SUGCT: variants seen among roughly 807,000 people sequenced by gnomAD.
SUGCT encodes succinyl-CoA:glutarate CoA-transferase.
A neutral mutation model predicts 55.0 loss-of-function variants in SUGCT; 41 were observed. That is an observed-to-expected ratio of 0.74 (90% CI 0.58 to 0.97). SUGCT has a LOEUF of 0.97. Ranked by LOEUF, SUGCT falls within the 50% of genes least tolerant of loss-of-function variation. The pLI is 0.00. For synonymous variants in SUGCT, 187 were observed against 200.4 expected (o/e 0.93, Z 0.56); for missense variants, 568 against 547.8 (o/e 1.04, Z -0.37).
intron 12 of SUGCT, among the ~76,000 whole-genome samples, chr7:40,725,494 T>A (rs1562965691): frequency 2.0e-5 from 3 of 152,066 alleles, no homozygotes; most frequent in African/African-American, 7.3e-5. Context: ...TCCTTCTAGT[T>A]GAAACTCTAC....
intron 13 of SUGCT, among the ~76,000 whole-genome samples, chr7:40,850,346 A>G (rs1793788983): frequency 6.6e-6 from 1 of 152,174 alleles, no homozygotes; most frequent in Admixed American, 6.5e-5. Context: ...TGGGGATGAT[A>G]ATAGGGCCAT....
At chr7:40,383,805 C>T (rs1784985486) in intron 9 of SUGCT, among the ~76,000 whole-genome samples, 2 of 152,176 alleles carry the variant, frequency 1.3e-5, no homozygotes, top group South Asian at 4.1e-4. Context: ...TTCGTCAGGG[C>T]ATCAGCAGGT....
At chr7:41,024,661 CA>C in the SUGCT span, among the ~76,000 whole-genome samples, 222 of 121,452 alleles carry the variant, frequency 1.8e-3, no homozygotes, top group Admixed American at 3.3e-3. Context: ...AACAATTTGG[CA>C]AAAAAAAAAA....
intron 12 of SUGCT, among the ~76,000 whole-genome samples, chr7:40,619,930 A>G (rs998465840): frequency 6.6e-6 from 1 of 152,238 alleles, no homozygotes; most frequent in Non-Finnish European, 1.5e-5. Context: ...TCACACAGCA[A>G]CAGGATAACT....
intron 11 of SUGCT, among the ~76,000 whole-genome samples, chr7:40,475,528 T>C (rs547578886): frequency 6.6e-6 from 1 of 152,362 alleles, no homozygotes; most frequent in East Asian, 1.9e-4. Context: ...TGGCATTATT[T>C]GCTTTAAGGA....
At chr7:40,645,745 G>A (rs553391724) in intron 12 of SUGCT, among the ~76,000 whole-genome samples, 33 of 152,230 alleles carry the variant, frequency 2.2e-4, no homozygotes, top group African/African-American at 7.5e-4. Flanking sequence ...AGTGGGATCC[G>A]AGGGTAGATC....
At chr7:40,589,038 A>G (rs1376433719) in intron 12 of SUGCT, among the ~76,000 whole-genome samples, 1 of 152,136 alleles carries the variant, frequency 6.6e-6, no homozygotes, top group African/African-American at 2.4e-5. Context: ...TGATCTAATT[A>G]AAATAATCTA....
chr7:40,355,057 T>A (rs907712932), intron 9 of SUGCT, among the ~76,000 whole-genome samples: 1 of 152,166 alleles, frequency 6.6e-6, no homozygotes, highest in Non-Finnish European at 1.5e-5. Context: ...TAGAGTTCCA[T>A]AAAACTCCAG....
At chr7:40,443,091 A>G (rs1285424966) in intron 9 of SUGCT, among the ~76,000 whole-genome samples, 1 of 152,164 alleles carries the variant, frequency 6.6e-6, no homozygotes, top group African/African-American at 2.4e-5. Context: ...CATGGTGTAT[A>G]TGGGCCACAT....
intron 7 of SUGCT, among the ~76,000 whole-genome samples, chr7:40,237,972 G>C (rs1584420160): frequency 6.6e-6 from 1 of 152,264 alleles, no homozygotes; most frequent in African/African-American, 2.4e-5. Flanking sequence ...ATGGAAAAGA[G>C]CAATGTTTTT....
Position 40,317,986 on chromosome 7 carries a change from C to G in SUGCT, c.816+1131C>G, listed in dbSNP as rs180688917. Among the ~76,000 whole-genome samples, 6 of 152,250 alleles carry G rather than the reference C, an allele frequency of 3.9e-5. No homozygotes were observed. In the East Asian group the frequency reaches 1.2e-3, roughly 29 times the overall value. On this transcript the variant is annotated intron_variant, in intron 9 of 13. Transcript: ENST00000335693. The stretch of plus-strand genomic sequence containing the variant: ...GTTCTTCCCCTTTGTCTGCACCATT[C>G]GTTTTATGACCACCATTAATGACAT...
At chr7:40,928,231 A>G in the SUGCT span, among the ~76,000 whole-genome samples, 1 of 152,102 alleles carries the variant, frequency 6.6e-6, no homozygotes, top group African/African-American at 2.4e-5. Context: ...AAAATATTCA[A>G]ATGTTTCTTT....
chr7:40,538,207 G>C (rs1446418637), intron 12 of SUGCT: 1 of 151,978 alleles, frequency 6.6e-6, no homozygotes, highest in African/African-American at 2.4e-5. Flanking sequence ...TTAACATTTT[G>C]CCATAGGAAA....
At chr7:40,899,286 CAGTG>C in the SUGCT span, among the ~76,000 whole-genome samples, 1 of 152,212 alleles carries the variant, frequency 6.6e-6, no homozygotes, top group Non-Finnish European at 1.5e-5. Context: ...GTATCTGACT[CAGTG>C]AGCAACCTTC....
At chr7:40,923,941 A>T in the SUGCT span, among the ~76,000 whole-genome samples, 207 of 152,282 alleles carry the variant, frequency 1.4e-3, 2 homozygotes, top group African/African-American at 4.3e-3. Flanking sequence ...ATATATTAAC[A>T]GGCAGGAACT....
intron 9 of SUGCT, among the ~76,000 whole-genome samples, chr7:40,331,849 T>G (rs906047891): frequency 2.6e-5 from 4 of 152,170 alleles, no homozygotes; most frequent in Non-Finnish European, 5.9e-5. Flanking sequence ...AGATTCTCAA[T>G]GAAAATTTCC....
intron 11 of SUGCT, among the ~76,000 whole-genome samples, chr7:40,472,250 AGTT>A (rs1170759909): frequency 6.6e-6 from 1 of 152,184 alleles, no homozygotes; most frequent in Non-Finnish European, 1.5e-5. Context: ...ACAATTGCAG[AGTT>A]GTTCACAATC....
intron 1 of SUGCT, among the ~76,000 whole-genome samples, chr7:40,147,670 CCG>C (rs1424098978): frequency 6.6e-6 from 1 of 152,232 alleles, no homozygotes; most frequent in Non-Finnish European, 1.5e-5. Flanking sequence ...CAGTTTCTCT[CCG>C]CGTTGCTGAG....
chr7:40,207,487 C>T (rs1210722928), intron 6 of SUGCT, among the ~76,000 whole-genome samples: 1 of 152,078 alleles, frequency 6.6e-6, no homozygotes, highest in Admixed American at 6.6e-5. Flanking sequence ...AATGGTTCAG[C>T]CCCTATGGAA....
Sources: gnomAD v4.1 joint callset for allele counts (sites outside exome capture counted in the v4.1 genomes callset) on GRCh38, gnomAD v4.1.1 for gene constraint, MANE v1.5 for transcripts, NCBI Gene and HGNC (gene_info 2026-07-23, HGNC 2026-07-21) for gene names.